PHKB: variants seen among roughly 807,000 people sequenced by gnomAD.
PHKB encodes phosphorylase b kinase regulatory subunit beta.
A neutral mutation model predicts 152.1 loss-of-function variants in PHKB; 122 were observed. The ratio of observed to expected loss-of-function variants is 0.80; its 90% CI spans 0.69 to 0.93. The LOEUF is 0.93. Ranked by LOEUF, PHKB falls within the 40% of genes least tolerant of loss-of-function variation. The probability of loss-of-function intolerance (pLI) is 0.00; values close to 1 mark genes in which losing one functional copy is unlikely to be tolerated. For missense variants in PHKB, 1,304 were observed against 1,328.4 expected (o/e 0.98, Z 0.29); for synonymous variants, 436 against 464.9 (o/e 0.94, Z 0.80).
chr16:47,522,792 C>T (rs1261898360), intron 6 of PHKB, among the ~76,000 whole-genome samples: 1 of 151,328 alleles, frequency 6.6e-6, no homozygotes, highest in Non-Finnish European at 1.5e-5. Flanking sequence ...TTTCTTTGAC[C>T]CATTGTTTAT....
At chr16:47,503,246 G>T (rs570144309) in intron 4 of PHKB, among the ~76,000 whole-genome samples, 156 bp downstream of exon 4, 1 of 152,300 alleles carries the variant, frequency 6.6e-6, no homozygotes, top group African/African-American at 2.4e-5. Context: ...TGCCATTCTA[G>T]CCCAGGGTTT....
At chr16:47,504,355 T>A (rs1411337544) in intron 4 of PHKB, among the ~76,000 whole-genome samples, 1 of 152,234 alleles carries the variant, frequency 6.6e-6, no homozygotes, top group African/African-American at 2.4e-5. Context: ...GTATCCTCTG[T>A]CTAGCACTCA....
chr16:47,470,348 T>C (rs759932812), intron 1 of PHKB, among the ~76,000 whole-genome samples: 8 of 152,200 alleles, frequency 5.3e-5, no homozygotes, highest in Non-Finnish European at 1.2e-4. Context: ...AGCAGGAGCA[T>C]GTCTTTAAGG....
At chr16:47,467,879 A>G (rs1441163007) in intron 1 of PHKB, among the ~76,000 whole-genome samples, 4 of 152,190 alleles carry the variant, frequency 2.6e-5, no homozygotes, top group African/African-American at 9.7e-5. Context: ...GGAACTCCCT[A>G]GAATTTCTGA....
chr16:47,524,020 G>A (rs1314955034), intron 6 of PHKB, among the ~76,000 whole-genome samples: 1 of 152,218 alleles, frequency 6.6e-6, no homozygotes, highest in South Asian at 2.1e-4. Flanking sequence ...GGGGAGAAGG[G>A]TTGAGAATAG....
At chr16:47,648,272 T>G (rs1241773343) in intron 16 of PHKB, among the ~76,000 whole-genome samples, 2 of 152,210 alleles carry the variant, frequency 1.3e-5, no homozygotes, top group African/African-American at 4.8e-5. Context: ...ATGCAAGTTG[T>G]ACATTTATAG....
chr16:47,620,898 AAG>A (rs1480407337), intron 14 of PHKB, among the ~76,000 whole-genome samples: 1 of 152,106 alleles, frequency 6.6e-6, no homozygotes, highest in African/African-American at 2.4e-5. Flanking sequence ...TATAAAAAAA[AAG>A]AGATGTTCTA....
intron 10 of PHKB, among the ~76,000 whole-genome samples, chr16:47,593,073 G>A (rs1972055716): frequency 6.9e-6 from 1 of 145,488 alleles, no homozygotes; most frequent in East Asian, 2.2e-4. Context: ...ACAGAGGGAG[G>A]AGACCACATC....
chr16:47,489,208 T>C (rs1970103848), intron 1 of PHKB, among the ~76,000 whole-genome samples: 2 of 152,158 alleles, frequency 1.3e-5, no homozygotes, highest in African/African-American at 4.8e-5. Flanking sequence ...CATGCCACCA[T>C]GGCTGGCTAA....
chr16:47,600,640 A>G (rs1366909120), intron 13 of PHKB, among the ~76,000 whole-genome samples: 2 of 152,236 alleles, frequency 1.3e-5, no homozygotes, highest in African/African-American at 2.4e-5. Context: ...CCTATATGAT[A>G]TAGCCTATTG....
chr16:47,472,128 A>G (rs1274892883), intron 1 of PHKB, among the ~76,000 whole-genome samples: 2 of 152,224 alleles, frequency 1.3e-5, no homozygotes, highest in Non-Finnish European at 2.9e-5. Context: ...AGTTAGTTTT[A>G]TATCATGATG....
At chr16:47,639,619 A>C (rs915129809) in intron 14 of PHKB, among the ~76,000 whole-genome samples, 4 of 152,232 alleles carry the variant, frequency 2.6e-5, no homozygotes, top group African/African-American at 9.6e-5. Context: ...GTACTCTGTC[A>C]TACAAGTGGA....
chr16:47,660,889 A>G (rs1029867510), intron 22 of PHKB, 70 bp downstream of exon 22: 7 of 1,482,902 alleles, frequency 4.7e-6, no homozygotes, highest in Non-Finnish European at 4.7e-6. Flanking sequence ...GAATCAGACC[A>G]TATGTCTTTT....
chr16:47,545,754 C>G (rs1238419814), intron 6 of PHKB, among the ~76,000 whole-genome samples: 1 of 152,230 alleles, frequency 6.6e-6, no homozygotes, highest in Non-Finnish European at 1.5e-5. Context: ...GGTCTTTTCA[C>G]ATAGTCCCAT....
At chr16:47,566,979 T>C in intron 7 of PHKB, 1 of 495,472 alleles carries the variant, frequency 2.0e-6, no homozygotes, top group Non-Finnish European at 3.6e-6. Flanking sequence ...TTTTGTACTG[T>C]TTTAGTTACT....
chr16:47,554,819 G>A (rs1971339998), intron 7 of PHKB, among the ~76,000 whole-genome samples: 2 of 152,284 alleles, frequency 1.3e-5, no homozygotes, highest in South Asian at 4.1e-4. Context: ...GCCCCACCCT[G>A]CTTCAGCTCG....
chr16:47,651,028 A>C (rs1973228652), intron 20 of PHKB, 107 bp downstream of exon 20: 6 of 810,658 alleles, frequency 7.4e-6, no homozygotes, highest in Non-Finnish European at 1.3e-5. Context: ...TTAAGGTTTT[A>C]TTCTCCACCT....
At position 47,661,719 on chromosome 16, in the gene PHKB, G is replaced by A. The variant is rs779818494; in HGVS notation, c.2197G>A (p.Asp733Asn). ...PTHEILQKLN[D>N]CSCLASQAIL... The stretch of plus-strand genomic sequence containing the variant: ...TCCTCACCGTGATTTATATTTTCAG[G>A]ATTGCAGTTGTCTGGCTAGCCAAGC... The change falls in exon 23 of 31, where the codon GAT becomes AAT. Residue 733 changes from aspartate to asparagine, a missense_variant and splice_region_variant. By Grantham distance (23) the Asp-to-Asn change is conservative. Coordinates refer to ENST00000323584, the MANE Select transcript of PHKB (RefSeq NM_000293.3). 3 of 1,607,646 alleles carry A rather than the reference G, an allele frequency of 1.9e-6. No homozygotes were observed.
At chr16:47,634,729 T>C (rs1418611685) in intron 14 of PHKB, among the ~76,000 whole-genome samples, 1 of 152,144 alleles carries the variant, frequency 6.6e-6, no homozygotes, top group Non-Finnish European at 1.5e-5. Flanking sequence ...ATAGTTGGTA[T>C]GTTCAAGGGA....
Sources: allele counts gnomAD v4.1 joint callset (sites outside exome capture counted in the v4.1 genomes callset), GRCh38; gene constraint gnomAD v4.1.1; transcripts MANE v1.5; gene names NCBI Gene and HGNC (gene_info 2026-07-23, HGNC 2026-07-21).